Variants in HLCS observed in about 807,000 individuals in gnomAD.
HLCS encodes holocarboxylase synthetase.
HLCS carries 53 observed loss-of-function variants against 75.0 expected under a neutral mutation model. That is an observed-to-expected ratio of 0.71 (90% CI 0.57 to 0.89). The LOEUF (loss-of-function observed/expected upper bound fraction) is 0.89. Among genes scored for constraint, HLCS ranks in the 40% least tolerant of loss-of-function variants. The pLI is 0.00. For synonymous variants in HLCS, 431 were observed against 428.6 expected (o/e 1.01, Z -0.07); for missense variants, 966 against 1,074.0 (o/e 0.90, Z 1.41).
chr21:36,917,668 A>G (rs768953255), intron 5 of HLCS, among the ~76,000 whole-genome samples: 1 of 152,160 alleles, frequency 6.6e-6, no homozygotes, highest in Non-Finnish European at 1.5e-5. Flanking sequence ...CAGGATTGGT[A>G]GCTTAACAAA....
At chr21:36,897,158 G>T in intron 5 of HLCS, 27 bp from the exon 6 acceptor site, 1 of 1,613,512 alleles carries the variant, frequency 6.2e-7, no homozygotes, top group South Asian at 1.1e-5. Context: ...GAAATGAGAT[G>T]GTCGTAATTT....
At chr21:36,951,881 T>C (rs909659386) in intron 2 of HLCS, among the ~76,000 whole-genome samples, 4 of 152,234 alleles carry the variant, frequency 2.6e-5, no homozygotes, top group African/African-American at 4.8e-5. Flanking sequence ...AAGTGAAACG[T>C]AGCTGTTCAA....
chr21:36,904,862 C>T (rs972192387), intron 5 of HLCS, among the ~76,000 whole-genome samples: 4 of 152,066 alleles, frequency 2.6e-5, no homozygotes, highest in Admixed American at 6.5e-5. Flanking sequence ...TCCTAATGAC[C>T]ATGCAATGTA....
chr21:36,925,241 A>G (rs1382932658), intron 5 of HLCS, among the ~76,000 whole-genome samples: 1 of 152,202 alleles, frequency 6.6e-6, no homozygotes, highest in Non-Finnish European at 1.5e-5. Context: ...TCATTTCAGT[A>G]ACAAACCCAG....
intron 2 of HLCS, among the ~76,000 whole-genome samples, chr21:36,956,285 G>A (rs538742407): frequency 6.6e-6 from 1 of 152,138 alleles, no homozygotes; most frequent in South Asian, 2.1e-4. Context: ...CTAGCGGTGA[G>A]TTCATGGGTA....
chr21:36,795,166 G>A (rs1367042185), intron 6 of HLCS, among the ~76,000 whole-genome samples: 1 of 152,210 alleles, frequency 6.6e-6, no homozygotes, highest in East Asian at 1.9e-4. Context: ...ACCAGGTTGA[G>A]AATTCAGAAA....
chr21:36,942,173 CA>C lies in HLCS; in HGVS notation c.331-3180del, dbSNP rs541119460. ...GGGCACTCCAGCCTGGCGACAGTCT[CA>C]AAAAAAACCTATTAAACTTTAAAAG... On this transcript the variant is annotated intron_variant, in intron 2 of 10. Transcript: ENST00000674895. 4.7e-4 allele frequency among the ~76,000 whole-genome samples: 71 copies of C among 150,706 alleles called. 1 individual carries two copies. The South Asian group carries it at 0.01, about 21-fold the overall frequency.
At chr21:36,815,974 A>G (rs528197082) in intron 6 of HLCS, among the ~76,000 whole-genome samples, 6 of 152,304 alleles carry the variant, frequency 3.9e-5, no homozygotes, top group South Asian at 4.2e-4. Flanking sequence ...ATGGAATAGG[A>G]TGCCTCCACT....
At chr21:36,920,654 C>A (rs891386399) in intron 5 of HLCS, among the ~76,000 whole-genome samples, 15 of 152,086 alleles carry the variant, frequency 9.9e-5, no homozygotes, top group African/African-American at 3.6e-4. Flanking sequence ...CTACTATGTA[C>A]CTATTAAATT....
chr21:36,814,156 T>C (rs759506413), intron 6 of HLCS, among the ~76,000 whole-genome samples: 1 of 152,112 alleles, frequency 6.6e-6, no homozygotes, highest in Non-Finnish European at 1.5e-5. Flanking sequence ...CCAAACACAC[T>C]ACAACCTAGG....
At chr21:36,897,773 C>T (rs931371271) in intron 5 of HLCS, among the ~76,000 whole-genome samples, 7 of 152,160 alleles carry the variant, frequency 4.6e-5, no homozygotes, top group Non-Finnish European at 4.4e-5. Context: ...CTAGAAGAGA[C>T]GTTGTCCAAT....
chr21:36,958,800 G>C (rs2068114883), intron 2 of HLCS, among the ~76,000 whole-genome samples: 1 of 148,624 alleles, frequency 6.7e-6, no homozygotes, highest in Non-Finnish European at 1.5e-5. Flanking sequence ...AAAAAAAAAA[G>C]AAAGAAAACT....
chr21:36,907,864 C>A (rs926823104), intron 5 of HLCS, among the ~76,000 whole-genome samples: 1 of 152,120 alleles, frequency 6.6e-6, no homozygotes, highest in Non-Finnish European at 1.5e-5. Context: ...AAGAAAATAT[C>A]GGATCGCCAA....
intron 6 of HLCS, among the ~76,000 whole-genome samples, chr21:36,772,771 T>A (rs1439111215): frequency 1.3e-5 from 2 of 151,564 alleles, no homozygotes; most frequent in African/African-American, 2.4e-5. Context: ...GATCACGAGG[T>A]CAAGAGATCG....
intron 5 of HLCS, among the ~76,000 whole-genome samples, chr21:36,922,701 G>A (rs778583631): frequency 1.1e-3 from 164 of 152,160 alleles, no homozygotes; most frequent in Non-Finnish European, 1.5e-3. Flanking sequence ...CAGCACAGGA[G>A]CGCTCTCCTT....
At chr21:36,932,733 T>C (rs753028990) in intron 4 of HLCS, among the ~76,000 whole-genome samples, 6 of 152,206 alleles carry the variant, frequency 3.9e-5, no homozygotes, top group Admixed American at 1.3e-4. Flanking sequence ...AGAAGTATTA[T>C]GAAAATAAAA....
rs376899782 is a variant in HLCS at position 36,759,778 on chromosome 21, C to T, written c.2185G>A (p.Gly729Arg). ...ATGAGTGTTGAGTTAACCAGAACTC[C>T]GCCGATCTTCATGAGGTCACTGTAA... ...IYYSDLMKIGGVLVNSTLMGE... is the reference protein window; with the variant it reads ...IYYSDLMKIGRVLVNSTLMGE... Residue 729 changes from glycine to arginine, a missense_variant, in exon 9 of 11, where the codon GGA becomes AGA. Gly to Arg is a moderately radical substitution (Grantham distance 125, BLOSUM62 -2). Transcript: ENST00000674895. 8 of 1,613,636 alleles carry T rather than the reference C, an allele frequency of 5.0e-6. No individual in the cohort carries two copies. The highest frequency in any genetic ancestry group is 2.2e-5 in the East Asian group (1 of 44,882).
At chr21:36,822,673 GAGAC>G (rs1459161792) in intron 6 of HLCS, among the ~76,000 whole-genome samples, 1 of 152,146 alleles carries the variant, frequency 6.6e-6, no homozygotes, top group African/African-American at 2.4e-5. Context: ...GGGATGTATG[GAGAC>G]AGACAGAAAT....
chr21:36,791,656 T>C (rs79809750), intron 6 of HLCS, among the ~76,000 whole-genome samples: 9,304 of 151,876 alleles, frequency 0.061, 921 homozygotes, highest in African/African-American at 0.21. Context: ...TGATGGGGAA[T>C]ATGGCAGACA....
Sources: gnomAD v4.1 joint callset for allele counts (sites outside exome capture counted in the v4.1 genomes callset) on GRCh38, gnomAD v4.1.1 for gene constraint, MANE v1.5 for transcripts, NCBI Gene and HGNC (gene_info 2026-07-23, HGNC 2026-07-21) for gene names.